Variants in COBLL1 observed in about 807,000 individuals in gnomAD.
COBLL1 encodes the protein cordon-bleu WH2 repeat protein like 1.
A neutral mutation model predicts 94.8 loss-of-function variants in COBLL1; 50 were observed. That is an observed-to-expected ratio of 0.53 (90% CI 0.42 to 0.67). The LOEUF (loss-of-function observed/expected upper bound fraction) is 0.67, where lower values mean the gene tolerates loss of function less well. Among genes scored for constraint, COBLL1 ranks in the 30% least tolerant of loss-of-function variants. The pLI is 0.00. For synonymous variants in COBLL1, 448 were observed against 473.8 expected, an observed-to-expected ratio of 0.95 and a Z score of 0.71; for missense variants, 1,362 against 1,348.7, an observed-to-expected ratio of 1.01 and a Z score of -0.15.
rs745639843 is a variant in COBLL1, at chr2:164,692,357, G to A, written c.3164C>T (p.Pro1055Leu). Residue 1055 changes from proline to leucine, a missense_variant, in exon 13 of 14, where the codon CCA becomes CTA. Physicochemically the swap from Pro to Leu is moderately conservative, Grantham distance 98. Coordinates refer to ENST00000652658, the MANE Select transcript of COBLL1 (RefSeq NM_001365672.2). ...SAHNEQNSQIPTPTDGPSFTV... is the reference protein window; with the variant it reads ...SAHNEQNSQILTPTDGPSFTV... ...GAATGATGGGCCATCAGTTGGAGTT[G>A]GTATTTGGGAATTCTGTTCATTATG... 6.8e-6 allele frequency: 11 copies of A among 1,612,050 alleles called. No individual in the cohort carries two copies. Among genetic ancestry groups the A allele is most frequent in the East Asian group, 4.5e-5 (2 of 44,804 alleles).
At chr2:164,802,598 A>G (rs947970438) in intron 2 of COBLL1, among the ~76,000 whole-genome samples, 9 of 152,202 alleles carry the variant, frequency 5.9e-5, no homozygotes, top group African/African-American at 2.2e-4. Context: ...TTTCCAAATA[A>G]GGTCCATTGG....
intron 2 of COBLL1, among the ~76,000 whole-genome samples, chr2:164,795,543 A>G (rs1411736708): frequency 3.3e-5 from 5 of 152,054 alleles, no homozygotes; most frequent in Non-Finnish European, 7.4e-5. Flanking sequence ...CTCCCAGTTA[A>G]ATTATTTCTC....
intron 7 of COBLL1, among the ~76,000 whole-genome samples, chr2:164,712,424 C>T (rs1217652461): frequency 6.6e-6 from 1 of 152,052 alleles, no homozygotes; most frequent in Non-Finnish European, 1.5e-5. Context: ...TGTCTTAAAA[C>T]TCATGTTTTG....
intron 2 of COBLL1, among the ~76,000 whole-genome samples, chr2:164,786,053 G>T (rs1379033122): frequency 6.6e-6 from 1 of 152,100 alleles, no homozygotes; most frequent in Non-Finnish European, 1.5e-5. Context: ...TCTTAAATTT[G>T]ATTTCCAGTG....
At chr2:164,699,746 G>GTT (rs1684153718) in intron 10 of COBLL1, among the ~76,000 whole-genome samples, 1 of 151,926 alleles carries the variant, frequency 6.6e-6, no homozygotes, top group Admixed American at 6.6e-5. Flanking sequence ...AAGAAGCTTG[G>GTT]TAAAATAGAC....
chr2:164,827,297 C>T (rs561606743), intron 2 of COBLL1, among the ~76,000 whole-genome samples: 64 of 152,046 alleles, frequency 4.2e-4, no homozygotes, highest in Non-Finnish European at 7.3e-4. Context: ...AGAATTTCAT[C>T]TTATATGGGA....
chr2:164,746,369 TGTGTG>T (rs1335146094), intron 2 of COBLL1, among the ~76,000 whole-genome samples: 4 of 152,250 alleles, frequency 2.6e-5, no homozygotes, highest in Admixed American at 6.5e-5. Flanking sequence ...TTTCTCTGAA[TGTGTG>T]GAAAAATAAG....
At chr2:164,830,708 G>A (rs1488352070) in intron 2 of COBLL1, among the ~76,000 whole-genome samples, 1 of 152,038 alleles carries the variant, frequency 6.6e-6, no homozygotes, top group Non-Finnish European at 1.5e-5. Context: ...CAGACATACA[G>A]TATGAATTAC....
chr2:164,811,508 A>T (rs1995793), intron 2 of COBLL1, among the ~76,000 whole-genome samples: 76,420 of 151,752 alleles, frequency 0.5, 20,553 homozygotes, highest in African/African-American at 0.68. Flanking sequence ...ATACCATGTA[A>T]CTAAAGATTG....
In COBLL1 at chr2:164,780,848, C is replaced by T. The variant is rs764222301; in HGVS notation, c.42-36973G>A. Among the ~76,000 whole-genome samples the T allele has an allele frequency of 1.2e-4, 18 of 152,146 alleles. 1 individual carries two copies. Among genetic ancestry groups the T allele is most frequent in the African/African-American group, 1.9e-4 (8 of 41,432 alleles). ...GCTGTGTTTTCATGGAGACTGCTGTCGCCTTGTGAGGTCTCTGGGCAAGGA... is the reference window on the plus strand; with the variant it reads ...GCTGTGTTTTCATGGAGACTGCTGTTGCCTTGTGAGGTCTCTGGGCAAGGA... On this transcript the variant is annotated intron_variant, in intron 2 of 13. Coordinates refer to ENST00000652658, the MANE Select transcript of COBLL1 (RefSeq NM_001365672.2).
At chr2:164,713,794 T>C (rs149499348) in intron 7 of COBLL1, among the ~76,000 whole-genome samples, 8 of 152,316 alleles carry the variant, frequency 5.3e-5, no homozygotes, top group Non-Finnish European at 8.8e-5. Flanking sequence ...TATTTTGTTA[T>C]TGTACTTTAA....
intron 2 of COBLL1, among the ~76,000 whole-genome samples, chr2:164,748,232 A>T (rs1686966681): frequency 6.6e-6 from 1 of 152,220 alleles, no homozygotes; most frequent in Non-Finnish European, 1.5e-5. Context: ...AAAGAATACC[A>T]GATGGAAGCC....
chr2:164,673,445 C>T (rs966293382), intron 1 of COBLL1, among the ~76,000 whole-genome samples: 4 of 152,114 alleles, frequency 2.6e-5, no homozygotes, highest in African/African-American at 9.7e-5. Context: ...GAGGCTGAGG[C>T]AGGCACATCA....
At chr2:164,812,181 A>G (rs1574633757) in intron 2 of COBLL1, among the ~76,000 whole-genome samples, 2 of 152,186 alleles carry the variant, frequency 1.3e-5, no homozygotes, top group Admixed American at 6.5e-5. Flanking sequence ...TCAATTTCTG[A>G]CACTGTATTA....
chr2:164,727,186 A>C (rs1685759984), intron 5 of COBLL1: 2 of 1,183,288 alleles, frequency 1.7e-6, no homozygotes, highest in Admixed American at 2.3e-5. Context: ...TTGACTGTGA[A>C]GATGATGTTT....
At chr2:164,771,057 C>T (rs1054922934) in intron 2 of COBLL1, among the ~76,000 whole-genome samples, 1 of 151,950 alleles carries the variant, frequency 6.6e-6, no homozygotes, top group Admixed American at 6.5e-5. Context: ...GTTACTCTTA[C>T]AATATTTTCT....
intron 7 of COBLL1, among the ~76,000 whole-genome samples, chr2:164,720,847 C>A (rs1324134769): frequency 1.3e-5 from 2 of 152,112 alleles, no homozygotes; most frequent in South Asian, 2.1e-4. Context: ...CAAGCAGTTA[C>A]CCTGCAAATT....
At chr2:164,831,643 C>T (rs1030566417) in intron 2 of COBLL1, among the ~76,000 whole-genome samples, 4 of 151,926 alleles carry the variant, frequency 2.6e-5, no homozygotes, top group Non-Finnish European at 5.9e-5. Flanking sequence ...CACAGTGTAG[C>T]AGGACAGTTT....
At chr2:164,733,831 C>T (rs1173986713) in intron 3 of COBLL1, among the ~76,000 whole-genome samples, 2 of 152,064 alleles carry the variant, frequency 1.3e-5, no homozygotes, top group East Asian at 3.8e-4. Context: ...TATATCTGCA[C>T]TAACACAGTG....
Sources: gnomAD v4.1 joint callset for allele counts (sites outside exome capture counted in the v4.1 genomes callset) on GRCh38, gnomAD v4.1.1 for gene constraint, MANE v1.5 for transcripts, NCBI Gene and HGNC (gene_info 2026-07-23, HGNC 2026-07-21) for gene names.